PHLPP2: variants seen among roughly 807,000 people sequenced by gnomAD.
PHLPP2 encodes PH domain and leucine rich repeat protein phosphatase 2.
PHLPP2 carries 66 observed loss-of-function variants against 124.9 expected under a neutral mutation model. That is an observed-to-expected ratio of 0.53 (90% CI 0.43 to 0.65). PHLPP2 has a LOEUF of 0.65. PHLPP2 is among the 30% of genes least tolerant of loss of function. The pLI, the probability that PHLPP2 is intolerant of heterozygous loss-of-function variation, is 0.00. For missense variants in PHLPP2, 1,685 were observed against 1,600.4 expected, an observed-to-expected ratio of 1.05 and a Z score of -0.90; for synonymous variants, 681 against 624.7, an observed-to-expected ratio of 1.09 and a Z score of -1.34.
At chr16:71,652,755 G>A in intron 18 of PHLPP2, 35 bp downstream of exon 18, 1 of 1,482,420 alleles carries the variant, frequency 6.7e-7, no homozygotes, top group South Asian at 1.1e-5. Context: ...CACTGATTTG[G>A]GGAGCAGAAG....
intron 3 of PHLPP2, among the ~76,000 whole-genome samples, chr16:71,700,523 T>C (rs1349687878): frequency 1.5e-5 from 2 of 134,026 alleles, no homozygotes; most frequent in Non-Finnish European, 3.2e-5. Flanking sequence ...TCATTTCTTT[T>C]TTTTTTTTTT....
intron 4 of PHLPP2, among the ~76,000 whole-genome samples, chr16:71,689,590 G>T (rs550580812): frequency 6.6e-6 from 1 of 151,526 alleles, no homozygotes; most frequent in Non-Finnish European, 1.5e-5. Flanking sequence ...TAGAGACGGG[G>T]TTTCACTATG....
Position 71,684,417 on chromosome 16 carries a change from C to A in PHLPP2, c.735+59G>T, listed in dbSNP as rs562917646. The stretch of plus-strand genomic sequence containing the variant: ...CTGGGATTACAGACGTGAGCCACCA[C>A]GCCCGGCCTAGGGTTCTCTATTCTT... On this transcript the variant is annotated intron_variant, in intron 5 of 18. Coordinates refer to ENST00000568954, the MANE Select transcript of PHLPP2 (RefSeq NM_015020.3). 9 of 1,579,394 alleles carry A rather than the reference C, an allele frequency of 5.7e-6. No individual in the cohort carries two copies. In the South Asian group the frequency reaches 1.0e-4, roughly 18 times the overall value.
At chr16:71,706,012 G>T (rs923982540) in intron 2 of PHLPP2, among the ~76,000 whole-genome samples, 10 of 152,162 alleles carry the variant, frequency 6.6e-5, no homozygotes, top group African/African-American at 2.4e-4. Flanking sequence ...AGTTCCAAAA[G>T]TTTAAGAATC....
chr16:71,712,081 A>C (rs1369215284), intron 2 of PHLPP2, among the ~76,000 whole-genome samples: 1 of 152,204 alleles, frequency 6.6e-6, no homozygotes, highest in Non-Finnish European at 1.5e-5. Flanking sequence ...TCCTCATCTA[A>C]AAGCAACGAT....
At chr16:71,723,565 C>G (rs1185982260) in intron 1 of PHLPP2, 1 of 226,282 alleles carries the variant, frequency 4.4e-6, no homozygotes, top group African/African-American at 2.3e-5. Flanking sequence ...GCGCCGAGGC[C>G]TGGACGCGGG....
chr16:71,674,969 C>G (rs1051767631), intron 9 of PHLPP2, among the ~76,000 whole-genome samples: 5 of 152,238 alleles, frequency 3.3e-5, no homozygotes, highest in Admixed American at 6.5e-5. Flanking sequence ...TGCACTCCAG[C>G]CTGGGCAACA....
Position 71,649,779 on chromosome 16 carries a change from G to A in PHLPP2, c.3083C>T (p.Ala1028Val), listed in dbSNP as rs148247641. The A allele has an allele frequency of 3.2e-5, 51 of 1,614,078 alleles. No homozygotes were observed. Among genetic ancestry groups the A allele is most frequent in the East Asian group, 1.1e-4 (5 of 44,902 alleles). Residue 1028 changes from alanine to valine, a missense_variant, in exon 19 of 19, where the codon GCG becomes GTG. Transcript: ENST00000568954. ...ACCAATATTCAAATAAACTACCATC[G>A]CCCCTACATTGTCCTGACAGCCATA... ...QSYGCQDNVG[A>V]MVVYLNIGEE...
intron 12 of PHLPP2, chr16:71,665,949 C>T (rs1366919239): frequency 6.6e-6 from 1 of 152,200 alleles, no homozygotes; most frequent in Non-Finnish European, 1.5e-5. Flanking sequence ...AAAGAGAGAA[C>T]AAGCCAGACA....
chr16:71,680,007 C>T lies in PHLPP2; in HGVS notation c.891-472G>A, dbSNP rs151028461. 7.0e-4 allele frequency among the ~76,000 whole-genome samples: 106 copies of T among 151,794 alleles called. No homozygotes were observed. In the East Asian group the frequency reaches 9.5e-3, roughly 14 times the overall value. On this transcript the variant is annotated intron_variant, in intron 6 of 18. Transcript: ENST00000568954. ...CTGAGGGAGGAGAATGGCATCAACC[C>T]GGGAGGCGGAGCTTGCAGTGAGCCG...
At chr16:71,719,467 T>C (rs1268472744) in intron 1 of PHLPP2, among the ~76,000 whole-genome samples, 2 of 152,168 alleles carry the variant, frequency 1.3e-5, no homozygotes, top group African/African-American at 4.8e-5. Context: ...TTGAACACAG[T>C]AGGTGGAGAC....
chr16:71,651,523 C>A (rs1001652901), intron 18 of PHLPP2, among the ~76,000 whole-genome samples: 2 of 152,042 alleles, frequency 1.3e-5, no homozygotes, highest in African/African-American at 4.8e-5. Context: ...CACAGCAAGA[C>A]CTTGTCTCTA....
At chr16:71,658,196 A>C in intron 15 of PHLPP2, 37 bp downstream of exon 15, 1 of 1,591,938 alleles carries the variant, frequency 6.3e-7, no homozygotes, top group Admixed American at 1.7e-5. Flanking sequence ...TGGTGGGCTA[A>C]GAGCACATAG....
intron 12 of PHLPP2, 73 bp downstream of exon 12, chr16:71,667,105 C>T (rs767152922): frequency 1.0e-5 from 13 of 1,282,450 alleles, no homozygotes; most frequent in Non-Finnish European, 1.3e-5. Context: ...CCAAAGGTCA[C>T]TCCAATGATA....
intron 12 of PHLPP2, among the ~76,000 whole-genome samples, chr16:71,664,787 T>C (rs1419852081): frequency 6.6e-6 from 1 of 152,118 alleles, no homozygotes; most frequent in African/African-American, 2.4e-5. Context: ...CTGGTTTTAA[T>C]AGCATCATTA....
intron 13 of PHLPP2, among the ~76,000 whole-genome samples, chr16:71,660,195 A>G (rs2044776411): frequency 6.6e-6 from 1 of 151,728 alleles, no homozygotes; most frequent in Admixed American, 6.6e-5. Flanking sequence ...GCATGAAACT[A>G]CACTTTTCAA....
intron 3 of PHLPP2, among the ~76,000 whole-genome samples, chr16:71,694,086 C>T (rs530953068): frequency 4.1e-4 from 62 of 152,144 alleles, no homozygotes; most frequent in Non-Finnish European, 7.9e-4. Context: ...CTCAGCTACT[C>T]GGGAGGCTGA....
At chr16:71,713,510 A>T (rs1046332980) in intron 2 of PHLPP2, among the ~76,000 whole-genome samples, 2 of 152,202 alleles carry the variant, frequency 1.3e-5, no homozygotes, top group African/African-American at 4.8e-5. Context: ...GAGATACCAC[A>T]GGTACATGGA....
intron 4 of PHLPP2, 87 bp from the exon 5 acceptor site, chr16:71,684,688 G>T (rs1421642913): frequency 2.3e-6 from 3 of 1,277,052 alleles, no homozygotes; most frequent in Admixed American, 2.6e-5. Context: ...ACGAACAACT[G>T]AATTTTTAAA....
Sources: allele counts gnomAD v4.1 joint callset (sites outside exome capture counted in the v4.1 genomes callset), GRCh38; gene constraint gnomAD v4.1.1; transcripts MANE v1.5; gene names NCBI Gene and HGNC (gene_info 2026-07-23, HGNC 2026-07-21).